The following MED17 variants were observed in gnomAD, a reference collection of about 807,000 sequenced individuals.
MED17 encodes mediator complex subunit 17.
Under a neutral mutation model 80.8 loss-of-function variants are expected in MED17, and 49 were observed. The observed-to-expected ratio is 0.61, with a 90% CI of 0.48 to 0.77. The LOEUF (loss-of-function observed/expected upper bound fraction) is 0.77. Among genes scored for constraint, MED17 ranks in the 30% least tolerant of loss-of-function variants. The pLI is 0.00. For synonymous variants in MED17, 281 were observed against 280.4 expected, an observed-to-expected ratio of 1.00 and a Z score of -0.02; for missense variants, 718 against 787.0, an observed-to-expected ratio of 0.91 and a Z score of 1.05.
rs189130502 is a variant in MED17 at position 93,796,803 on chromosome 11, G to A, written c.1143+263G>A. On this transcript the variant is annotated intron_variant, in intron 7 of 11. Coordinates refer to ENST00000251871, the MANE Select transcript of MED17 (RefSeq NM_004268.5). Reference sequence around the variant, plus strand: ...GAAACATGATGCTAAAGTGCAGAGGGAAGGGTGATTCTGACCGGGGGAGTT... The same window carrying A: ...GAAACATGATGCTAAAGTGCAGAGGAAAGGGTGATTCTGACCGGGGGAGTT... 2.5e-3 allele frequency: 1,082 copies of A among 437,190 alleles called. 6 individuals carry two copies. Among genetic ancestry groups the A allele is most frequent in the Non-Finnish European group, 3.7e-3 (865 of 234,890 alleles). 27.1% of individuals were successfully genotyped at this position (437,190 alleles called of 1,614,324 possible). A position where few individuals can be genotyped will look rare whatever the true frequency, so the allele number is the denominator to read the frequency against.
intron 3 of MED17, among the ~76,000 whole-genome samples, 174 bp downstream of exon 3, chr11:93,790,967 G>A (rs776809981): frequency 6.6e-6 from 1 of 152,148 alleles, no homozygotes; most frequent in African/African-American, 2.4e-5. Flanking sequence ...AATTAGCCAG[G>A]CGTGGTAACA....
intron 9 of MED17, among the ~76,000 whole-genome samples, chr11:93,803,601 TC>T (rs1284911328): frequency 2.0e-5 from 3 of 152,216 alleles, no homozygotes; most frequent in Non-Finnish European, 2.9e-5. Context: ...TTATAGGCTT[TC>T]ATTATATTAT....
rs147270420 is a variant in MED17, at chr11:93,804,255, G to A, written c.1466+2283G>A. On this transcript the variant is annotated intron_variant, in intron 9 of 11. Coordinates refer to ENST00000251871, the MANE Select transcript of MED17 (RefSeq NM_004268.5). ...AGGCTAGGCCAGTGTCTCTTTTCAC[G>A]TTTTTCTGCCTGTTTATATTCTAGC... Among the ~76,000 whole-genome samples the A allele has an allele frequency of 4.0e-3, 614 of 151,958 alleles. 7 individuals are homozygous for A. The highest frequency in any genetic ancestry group is 0.014 in the African/African-American group (589 of 41,446).
intron 10 of MED17, chr11:93,809,449 T>C: frequency 2.0e-6 from 1 of 497,156 alleles, no homozygotes; most frequent in Non-Finnish European, 3.7e-6. Flanking sequence ...GATGAGAGTC[T>C]TCAGTTGGCC....
intron 3 of MED17, 63 bp from the exon 4 acceptor site, chr11:93,793,665 A>T (rs918524964): frequency 1.7e-6 from 2 of 1,199,856 alleles, no homozygotes; most frequent in Non-Finnish European, 2.5e-6. Flanking sequence ...TATATATTTA[A>T]TAATGTGTGT....
Position 93,813,355 on chromosome 11 carries a change from TC to T in MED17, c.*1295del, listed in dbSNP as rs1200928035. The T allele has an allele frequency of 6.6e-6, 1 of 152,230 alleles. No individual in the cohort carries two copies. Among genetic ancestry groups the T allele is most frequent in the Non-Finnish European group, 1.5e-5 (1 of 68,040 alleles). 9.4% of individuals were successfully genotyped at this position (152,230 alleles called of 1,614,324 possible). On this transcript the variant is annotated 3_prime_UTR_variant, in exon 12 of 12. Coordinates refer to ENST00000251871, the MANE Select transcript of MED17 (RefSeq NM_004268.5). ...ACGATAGAACAACTTTGTGCTTTTT[TC>T]CCCTTCTGATCAAGATCTTGCATCT... is the stretch of plus-strand genomic sequence containing the variant.
At chr11:93,809,447 T>G (rs1944063516) in intron 10 of MED17, 1 of 491,694 alleles carries the variant, frequency 2.0e-6, no homozygotes, top group Admixed American at 3.2e-5. Context: ...TAGATGAGAG[T>G]CTTCAGTTGG....
At chr11:93,784,984 G>A (rs1943753821) in intron 1 of MED17, 3 of 642,642 alleles carry the variant, frequency 4.7e-6, no homozygotes, top group Non-Finnish European at 8.0e-6. Flanking sequence ...GAATGGCAGC[G>A]TTTAGAGACA....
At chr11:93,787,147 C>T (rs1212239495) in intron 1 of MED17, among the ~76,000 whole-genome samples, 1 of 152,142 alleles carries the variant, frequency 6.6e-6, no homozygotes, top group African/African-American at 2.4e-5. Context: ...GGCGCAGTGG[C>T]TCACGTCTGT....
intron 10 of MED17, 137 bp from the exon 11 acceptor site, chr11:93,809,580 A>G: frequency 1.2e-6 from 1 of 867,346 alleles, no homozygotes. Context: ...TACGCACAGG[A>G]GGATTCCTCA....
In MED17 at chr11:93,784,361, C is replaced by T. The variant is rs538202290; in HGVS notation, c.-153C>T. The T allele has an allele frequency of 1.9e-4, 185 of 989,058 alleles. No homozygotes were observed. The African/African-American group carries it at 2.8e-3, about 15-fold the overall frequency. 61.3% of individuals were successfully genotyped at this position (989,058 alleles called of 1,614,324 possible). The stretch of plus-strand genomic sequence containing the variant: ...GTTGCTGGGCCAGCTCCTTTGTTTC[C>T]AGTCTGAGCGTTGCGTTCGGTTTCC... On this transcript the variant is annotated 5_prime_UTR_variant, in exon 1 of 12. Transcript: ENST00000251871.
chr11:93,787,523 C>A (rs1943783373), intron 1 of MED17, among the ~76,000 whole-genome samples: 1 of 152,018 alleles, frequency 6.6e-6, no homozygotes, highest in East Asian at 1.9e-4. Context: ...CACTTTTTAC[C>A]CTCTAATTCT....
At position 93,811,853 on chromosome 11, in the gene MED17, T is replaced by C; in HGVS notation, c.1745T>C (p.Val582Ala). Residue 582 changes from valine to alanine, a missense_variant and splice_region_variant, in exon 12 of 12, where the codon GTT becomes GCT. Physicochemically the swap from Val to Ala is moderately conservative, Grantham distance 64. Transcript: ENST00000251871. The part of the protein sequence containing the change: ...ASPSGDYAIS[V>A]RNGPESGSKI... Reference sequence around the variant, plus strand: ...TTGATATTTTGGTTTTTCTCCACAGTTCGTAATGGACCTGAAAGTGGCAGC... The same window carrying C: ...TTGATATTTTGGTTTTTCTCCACAGCTCGTAATGGACCTGAAAGTGGCAGC... The C allele has an allele frequency of 6.2e-7, 1 of 1,614,108 alleles. No homozygotes were observed. Among genetic ancestry groups the C allele is most frequent in the Non-Finnish European group, 8.5e-7 (1 of 1,179,978 alleles).
chr11:93,784,956 A>C, intron 1 of MED17, 193 bp downstream of exon 1: 1 of 748,198 alleles, frequency 1.3e-6, no homozygotes, highest in Non-Finnish European at 2.1e-6. Flanking sequence ...TTTACGTAAT[A>C]CTCCTGCGGG....
At chr11:93,786,513 C>T (rs901994846) in intron 1 of MED17, among the ~76,000 whole-genome samples, 46 of 151,540 alleles carry the variant, frequency 3.0e-4, no homozygotes, top group African/African-American at 1.1e-3. Flanking sequence ...GTCGGCCAGG[C>T]TGGAGTGCAG....
intron 11 of MED17, chr11:93,810,881 ATGTGT>A (rs1330543808): frequency 6.6e-6 from 1 of 152,254 alleles, no homozygotes; most frequent in Non-Finnish European, 1.5e-5. Flanking sequence ...GTTCTGAGAA[ATGTGT>A]TGTTAAGAGG....
chr11:93,808,119 T>C (rs1429152069), intron 10 of MED17: 3 of 175,850 alleles, frequency 1.7e-5, no homozygotes, highest in African/African-American at 7.2e-5. Context: ...ATCCCAGCAC[T>C]TTGGGAGGCT....
At chr11:93,802,070 G>A in intron 9 of MED17, 98 bp downstream of exon 9, 1 of 1,145,836 alleles carries the variant, frequency 8.7e-7, no homozygotes, top group Non-Finnish European at 1.3e-6. Flanking sequence ...ATTTGCTAGG[G>A]TGGCATAATA....
At position 93,812,385 on chromosome 11, in the gene MED17, AAAGT is replaced by A. The variant is rs1332586175; in HGVS notation, c.*323_*326del. 2.7e-5 allele frequency: 14 copies of A among 520,816 alleles called. No individual in the cohort carries two copies. Among genetic ancestry groups the A allele is most frequent in the Admixed American group, 7.3e-5 (2 of 27,272 alleles). The allele number at this position is 520,816 out of a possible 1,614,324, so 32.3% of individuals were successfully genotyped here. ...TCCTTCTTTGATGTTGACATCAAAT[AAAGT>A]ATGTGGTTTAAAAAAATCTCCAAAT... is the stretch of plus-strand genomic sequence containing the variant. On this transcript the variant is annotated 3_prime_UTR_variant, in exon 12 of 12. Coordinates refer to ENST00000251871, the MANE Select transcript of MED17 (RefSeq NM_004268.5).
Sources: gnomAD v4.1 joint callset for allele counts (sites outside exome capture counted in the v4.1 genomes callset) on GRCh38, gnomAD v4.1.1 for gene constraint, MANE v1.5 for transcripts, NCBI Gene and HGNC (gene_info 2026-07-23, HGNC 2026-07-21) for gene names.